DAB1: variants seen among roughly 807,000 people sequenced by gnomAD.
The protein encoded by DAB1 is disabled homolog 1.
In DAB1, 15 loss-of-function variants were observed where a neutral mutation model predicts 64.6. That is an observed-to-expected ratio of 0.23 (90% CI 0.16 to 0.36). The LOEUF (loss-of-function observed/expected upper bound fraction) is 0.36. Ranked by LOEUF, DAB1 falls within the 10% of genes least tolerant of loss-of-function variation. DAB1 has a pLI of 1.00. For synonymous variants in DAB1, 235 were observed against 251.9 expected, an observed-to-expected ratio of 0.93 and a Z score of 0.64; for missense variants, 596 against 706.7, an observed-to-expected ratio of 0.84 and a Z score of 1.78.
intron 3 of DAB1, among the ~76,000 whole-genome samples, chr1:58,475,450 C>T (rs966882688): frequency 6.6e-6 from 1 of 151,526 alleles, no homozygotes; most frequent in African/African-American, 2.4e-5. Context: ...GAATGAGCCA[C>T]TGTGCCTGGC....
At chr1:57,529,677 T>G (rs1405367732) in intron 7 of DAB1, among the ~76,000 whole-genome samples, 1 of 152,134 alleles carries the variant, frequency 6.6e-6, no homozygotes, top group Non-Finnish European at 1.5e-5. Flanking sequence ...ATCAGGAAGC[T>G]ATAACAATCT....
chr1:57,279,149 TC>T (rs1347496880), intron 2 of DAB1, among the ~76,000 whole-genome samples: 2 of 152,180 alleles, frequency 1.3e-5, no homozygotes, highest in Non-Finnish European at 2.9e-5. Context: ...AATGATGTTT[TC>T]CTTTAATATA....
chr1:57,601,017 T>C (rs1211792905), intron 7 of DAB1, among the ~76,000 whole-genome samples: 1 of 152,212 alleles, frequency 6.6e-6, no homozygotes, highest in African/African-American at 2.4e-5. Context: ...AGAGAGTTTT[T>C]TTTTAAATGA....
At chr1:57,914,287 C>T (rs1021165085) in intron 5 of DAB1, among the ~76,000 whole-genome samples, 4 of 152,068 alleles carry the variant, frequency 2.6e-5, no homozygotes, top group African/African-American at 7.2e-5. Context: ...AGTTCATGTC[C>T]ATTGTAGGGA....
At chr1:57,019,447 C>T (rs913813877) in intron 11 of DAB1, among the ~76,000 whole-genome samples, 2 of 152,140 alleles carry the variant, frequency 1.3e-5, no homozygotes, top group Non-Finnish European at 2.9e-5. Flanking sequence ...ATGCCATCTG[C>T]TCCAGACCAA....
At chr1:57,653,494 C>T (rs1206233893) in intron 6 of DAB1, among the ~76,000 whole-genome samples, 1 of 152,022 alleles carries the variant, frequency 6.6e-6, no homozygotes, top group Non-Finnish European at 1.5e-5. Flanking sequence ...GGGCAGTTTC[C>T]AAATTTTGCT....
At chr1:57,422,341 A>T (rs993468895) in intron 1 of DAB1, among the ~76,000 whole-genome samples, 1 of 152,178 alleles carries the variant, frequency 6.6e-6, no homozygotes, top group Non-Finnish European at 1.5e-5. Context: ...TAGGAGCTGC[A>T]CTGGAGCATC....
intron 11 of DAB1, among the ~76,000 whole-genome samples, chr1:57,022,026 G>A (rs1321603289): frequency 6.6e-6 from 1 of 152,106 alleles, no homozygotes; most frequent in East Asian, 1.9e-4. Context: ...AATATATTAT[G>A]CAAATTACTT....
intron 1 of DAB1, among the ~76,000 whole-genome samples, chr1:57,826,779 C>A (rs1652368821): frequency 6.6e-6 from 1 of 152,198 alleles, no homozygotes; most frequent in Admixed American, 6.5e-5. Flanking sequence ...GCTTTGTCCT[C>A]CTGGAATAGG....
At chr1:57,069,490 T>C (rs1372239950) in intron 7 of DAB1, 65 bp from the exon 8 acceptor site, 1 of 1,379,984 alleles carries the variant, frequency 7.2e-7, no homozygotes, top group African/African-American at 1.4e-5. Flanking sequence ...AAACAAGCAT[T>C]TGGAAATTAA....
At chr1:58,441,092 TGCACATTGACAAAGA>T (rs1271239295) in intron 3 of DAB1, among the ~76,000 whole-genome samples, 2 of 152,190 alleles carry the variant, frequency 1.3e-5, no homozygotes, top group African/African-American at 2.4e-5. Flanking sequence ...AGACTGGGCC[TGCACATTGACAAAGA>T]GCACATTGAC....
chr1:58,353,592 G>A (rs1644079910), intron 3 of DAB1, among the ~76,000 whole-genome samples: 2 of 152,114 alleles, frequency 1.3e-5, no homozygotes, highest in Admixed American at 6.6e-5. Flanking sequence ...CAAGGTCTTT[G>A]TAGAAAATAC....
chr1:57,794,356 C>T (rs12140531), intron 6 of DAB1, among the ~76,000 whole-genome samples: 24,094 of 152,200 alleles, frequency 0.16, 2,402 homozygotes, highest in Admixed American at 0.31. Context: ...GTGTATCTCT[C>T]TAGCATTAGA....
chr1:58,353,393 C>A (rs1260225474), intron 3 of DAB1, among the ~76,000 whole-genome samples: 1 of 152,126 alleles, frequency 6.6e-6, no homozygotes, highest in African/African-American at 2.4e-5. Flanking sequence ...TTCCCTTAGG[C>A]CTTCTGATAT....
At chr1:57,586,457 T>C (rs1388442193) in intron 7 of DAB1, among the ~76,000 whole-genome samples, 1 of 143,148 alleles carries the variant, frequency 7.0e-6, no homozygotes, top group African/African-American at 2.6e-5. Context: ...TCTTTTCTTT[T>C]CTTTTTCCTT....
chr1:57,903,691 G>A (rs1224517877), intron 5 of DAB1, among the ~76,000 whole-genome samples: 3 of 152,310 alleles, frequency 2.0e-5, no homozygotes, highest in Non-Finnish European at 4.4e-5. Context: ...CTTGAGGGAT[G>A]ATGTCACGTC....
intron 6 of DAB1, among the ~76,000 whole-genome samples, chr1:57,692,324 G>A (rs756836306): frequency 6.6e-6 from 1 of 152,064 alleles, no homozygotes; most frequent in South Asian, 2.1e-4. Context: ...AAACTAAGAA[G>A]AGGGGAGAAC....
chr1:57,109,136 C>A (rs1452976830), intron 4 of DAB1, among the ~76,000 whole-genome samples: 1 of 152,182 alleles, frequency 6.6e-6, no homozygotes, highest in African/African-American at 2.4e-5. Context: ...TCTGCTCTGG[C>A]TTTCTCCCAC....
rs557777946 is a variant in DAB1, at chr1:58,430,190, G to A, written n.257+75870C>T. Among the ~76,000 whole-genome samples, 42 of 152,348 alleles carry A rather than the reference G, an allele frequency of 2.8e-4. 1 individual carries two copies. The South Asian group carries it at 8.3e-3, about 30-fold the overall frequency. ...TGAATTTGGGTGAGACACAAAGCCA[G>A]GGCACATCCAGCAATGTCCAACTTG... On this transcript the variant is annotated intron_variant and non_coding_transcript_variant, in intron 3 of 20. Coordinates refer to the DAB1 transcript ENST00000485760.
Sources: gnomAD v4.1 joint callset for allele counts (sites outside exome capture counted in the v4.1 genomes callset) on GRCh38, gnomAD v4.1.1 for gene constraint, MANE v1.5 for transcripts, NCBI Gene and HGNC (gene_info 2026-07-23, HGNC 2026-07-21) for gene names.